CSMD1: variants seen among roughly 807,000 people sequenced by gnomAD.
CSMD1 encodes CUB and Sushi multiple domains 1, also known as CUB and sushi domain-containing protein 1.
In CSMD1, 213 loss-of-function variants were observed where a neutral mutation model predicts 417.5. The observed-to-expected ratio is 0.51, with a 90% CI of 0.46 to 0.57. CSMD1 has a LOEUF of 0.57. Among genes scored for constraint, CSMD1 ranks in the 20% least tolerant of loss-of-function variants. The pLI is 0.00. For missense variants in CSMD1, 6,923 were observed against 4,529.7 expected (o/e 1.53, Z -15.17); for synonymous variants, 2,862 against 1,736.8 (o/e 1.65, Z -16.11).
chr8:3,929,893 C>T (rs1810023180), intron 5 of CSMD1, among the ~76,000 whole-genome samples: 1 of 150,304 alleles, frequency 6.7e-6, no homozygotes, highest in East Asian at 2.0e-4. Context: ...AACCCCTGAC[C>T]TCAGGTGATC....
At chr8:4,149,748 T>A (rs898972019) in intron 3 of CSMD1, among the ~76,000 whole-genome samples, 3 of 152,192 alleles carry the variant, frequency 2.0e-5, no homozygotes, top group East Asian at 1.9e-4. Context: ...ACTCCAAGCA[T>A]CCAGCCAGGC....
chr8:3,100,548 C>G (rs1815663873), intron 46 of CSMD1, among the ~76,000 whole-genome samples: 1 of 152,152 alleles, frequency 6.6e-6, no homozygotes, highest in Non-Finnish European at 1.5e-5. Flanking sequence ...AACTGTGTCT[C>G]CACTTGGGAA....
chr8:3,306,841 T>C (rs1270496930), intron 25 of CSMD1, among the ~76,000 whole-genome samples: 4 of 28,134 alleles, frequency 1.4e-4, no homozygotes, highest in Non-Finnish European at 3.3e-4. Context: ...TTTAAAAATA[T>C]TACAGAGCTT....
intron 10 of CSMD1, among the ~76,000 whole-genome samples, chr8:3,546,904 C>G (rs563719045): frequency 6.6e-6 from 1 of 152,334 alleles, no homozygotes; most frequent in East Asian, 1.9e-4. Flanking sequence ...AATGTTTCCA[C>G]TGCTGCTTGA....
intron 3 of CSMD1, among the ~76,000 whole-genome samples, chr8:4,094,005 G>GATAGATAT (rs1800864866): frequency 6.7e-6 from 1 of 149,808 alleles, no homozygotes; most frequent in South Asian, 2.1e-4. Context: ...TAGATAGATA[G>GATAGATAT]ATAGATAAAG....
chr8:3,004,118 G>A (rs1305353574), intron 52 of CSMD1, among the ~76,000 whole-genome samples: 1 of 152,038 alleles, frequency 6.6e-6, no homozygotes, highest in Non-Finnish European at 1.5e-5. Flanking sequence ...GTGGGGTGAG[G>A]GCAGCCCTGC....
At chr8:3,339,621 G>T (rs758770784) in intron 23 of CSMD1, among the ~76,000 whole-genome samples, 17 of 152,162 alleles carry the variant, frequency 1.1e-4, no homozygotes, top group Non-Finnish European at 1.9e-4. Context: ...CTCTCAGAGG[G>T]CTACTCTGAT....
At chr8:3,214,288 G>C (rs908706819) in intron 30 of CSMD1, among the ~76,000 whole-genome samples, 19 of 152,076 alleles carry the variant, frequency 1.2e-4, no homozygotes, top group Non-Finnish European at 2.8e-4. Context: ...GAAAAATATT[G>C]CTCCTCCCAG....
At chr8:4,254,227 T>C (rs910381615) in intron 3 of CSMD1, among the ~76,000 whole-genome samples, 1 of 152,096 alleles carries the variant, frequency 6.6e-6, no homozygotes, top group Non-Finnish European at 1.5e-5. Context: ...TTTCCTTTTA[T>C]CTTTAGCTTT....
At position 4,795,252 on chromosome 8, in the gene CSMD1, C is replaced by CTT. The variant is rs571984359; in HGVS notation, c.86-157696_86-157695dup. On this transcript the variant is annotated intron_variant, in intron 1 of 69. Coordinates refer to ENST00000635120, the MANE Select transcript of CSMD1 (RefSeq NM_033225.6). Reference sequence around the variant, plus strand: ...ATTTCTAGGTCTGCTGGTGTCATAGCTTTTTTTTTTTTTTTTTTTTTTTTT... The same window carrying CTT: ...ATTTCTAGGTCTGCTGGTGTCATAGCTTTTTTTTTTTTTTTTTTTTTTTTTTT... 1.7e-3 allele frequency among the ~76,000 whole-genome samples: 77 copies of CTT among 46,224 alleles called. 14 individuals carry two copies. The highest frequency in any genetic ancestry group is 2.4e-3 in the Non-Finnish European group (57 of 23,978). 30.3% of individuals were successfully genotyped at this position (46,224 alleles called of 152,430 possible).
intron 3 of CSMD1, among the ~76,000 whole-genome samples, chr8:4,295,076 ATATAAT>A (rs1157890927): frequency 6.8e-6 from 1 of 147,780 alleles, no homozygotes; most frequent in Non-Finnish European, 1.5e-5. Flanking sequence ...GATTACACAC[ATATAAT>A]CTTAAGATTA....
chr8:3,060,484 T>C (rs935085681), intron 49 of CSMD1, among the ~76,000 whole-genome samples: 3 of 152,108 alleles, frequency 2.0e-5, no homozygotes, highest in African/African-American at 7.2e-5. Context: ...CCACTGTCTA[T>C]TAACAACTTT....
intron 3 of CSMD1, among the ~76,000 whole-genome samples, chr8:4,319,048 A>G (rs1045687880): frequency 2.6e-5 from 4 of 152,196 alleles, no homozygotes; most frequent in African/African-American, 9.6e-5. Flanking sequence ...TCCTTGTTTG[A>G]CCAAATAAAC....
intron 3 of CSMD1, among the ~76,000 whole-genome samples, chr8:4,319,214 A>C (rs1414420194): frequency 6.6e-6 from 1 of 152,198 alleles, no homozygotes; most frequent in Non-Finnish European, 1.5e-5. Flanking sequence ...ATTTTGATGA[A>C]AAGTGACCCT....
rs1313356570 is a variant in CSMD1, at chr8:3,230,239, C to T, written c.4154-8G>A. ...AGGTGGCTGCAATTGAGGCTGCAAA[C>T]AAAAGAGAAGGCAAGGTCACAGGCT... On this transcript the variant is annotated splice_polypyrimidine_tract_variant and splice_region_variant and intron_variant, in intron 26 of 69. Transcript: ENST00000635120. 4.5e-6 allele frequency: 7 copies of T among 1,561,500 alleles called. No homozygotes were observed. The African/African-American group carries it at 6.8e-5, about 15-fold the overall frequency.
chr8:4,978,811 G>A (rs1810710148), intron 1 of CSMD1, among the ~76,000 whole-genome samples: 4 of 152,140 alleles, frequency 2.6e-5, no homozygotes, highest in South Asian at 2.1e-4. Flanking sequence ...GGTGGCAGGT[G>A]CCTGTAATCC....
chr8:3,015,609 T>C (rs1009788621), intron 52 of CSMD1, among the ~76,000 whole-genome samples: 8 of 151,964 alleles, frequency 5.3e-5, no homozygotes, highest in Admixed American at 2.0e-4. Context: ...TGAAATTATA[T>C]ATATATATAT....
At chr8:4,550,815 A>T (rs978986152) in intron 2 of CSMD1, among the ~76,000 whole-genome samples, 2 of 152,172 alleles carry the variant, frequency 1.3e-5, no homozygotes, top group African/African-American at 4.8e-5. Flanking sequence ...AACCACCACC[A>T]ATTGGTCCAA....
chr8:4,986,319 C>A (rs2117454940), intron 1 of CSMD1, among the ~76,000 whole-genome samples: 1 of 152,202 alleles, frequency 6.6e-6, no homozygotes, highest in East Asian at 1.9e-4. Flanking sequence ...TCCCCGACAT[C>A]CTTTACAGGA....
Sources: gnomAD v4.1 joint callset for allele counts (sites outside exome capture counted in the v4.1 genomes callset) on GRCh38, gnomAD v4.1.1 for gene constraint, MANE v1.5 for transcripts, NCBI Gene and HGNC (gene_info 2026-07-23, HGNC 2026-07-21) for gene names.